The following PTPN7 variants were observed in gnomAD, a reference collection of about 807,000 sequenced individuals.
The protein encoded by PTPN7 is protein tyrosine phosphatase non-receptor type 7, also known as tyrosine-protein phosphatase non-receptor type 7.
Under a neutral mutation model 50.3 loss-of-function variants are expected in PTPN7, and 33 were observed. That is an observed-to-expected ratio of 0.66 (90% CI 0.50 to 0.88). The LOEUF (loss-of-function observed/expected upper bound fraction) is 0.88, where lower values mean the gene tolerates loss of function less well. Among genes scored for constraint, PTPN7 ranks in the 40% least tolerant of loss-of-function variants. PTPN7 has a pLI of 0.00. For missense variants in PTPN7, 412 were observed against 475.4 expected (o/e 0.87, Z 1.24); for synonymous variants, 185 against 186.6 (o/e 0.99, Z 0.07).
upstream of PTPN7, chr1:202,161,509 C>G (rs1186637955): frequency 7.8e-7 from 1 of 1,289,762 alleles, no homozygotes; most frequent in Non-Finnish European, 1.0e-6. Context: ...TGCCCACTGC[C>G]CCTGCCTGAC....
At chr1:202,151,495 C>T (rs1656001185) in intron 8 of PTPN7, among the ~76,000 whole-genome samples, 1 of 152,096 alleles carries the variant, frequency 6.6e-6, no homozygotes, top group Non-Finnish European at 1.5e-5. Flanking sequence ...ATATCCCCAT[C>T]ACAGCTCTCA....
At position 202,159,708 on chromosome 1, in the gene PTPN7, GAA is replaced by G. The variant is rs1657134493; in HGVS notation, c.-52-256_-52-255del. On this transcript the variant is annotated intron_variant, in intron 1 of 9. Coordinates refer to ENST00000691036, the MANE Select transcript of PTPN7 (RefSeq NM_002832.4). This position sits in a 1 kb window ranked among gnomAD's most constrained non-coding sequence, Gnocchi z 4.6. Reference sequence around the variant, plus strand: ...AAGATAGGAAAGAATCCAGAAGGAGGAAAAGAGAGAGGGGAGAGAGGCCACAC... The same window carrying G: ...AAGATAGGAAAGAATCCAGAAGGAGGAAGAGAGAGGGGAGAGAGGCCACAC... 2.6e-5 allele frequency: 36 copies of G among 1,364,746 alleles called. No homozygotes were observed. In the South Asian group the frequency reaches 6.8e-4, roughly 26 times the overall value. The allele number at this position is 1,364,746 out of a possible 1,614,324, so 84.5% of individuals were successfully genotyped here.
chr1:202,158,907 A>G, intron 2 of PTPN7: 1 of 207,378 alleles, frequency 4.8e-6, no homozygotes, highest in Non-Finnish European at 9.8e-6. Flanking sequence ...TTTGGGCATG[A>G]GCTACCATGC....
chr1:202,155,557 A>T lies in PTPN7; in HGVS notation c.444T>A (p.Asp148Glu). ...CTCGGATGTAGTTGGCATTGATGTA[A>T]TCTCCGTCCTCCTGGCTCTGTGCCC... ...LGRAQSQEDG[D>E]YINANYIRGY... The change falls in exon 5 of 10, where the codon GAT (aspartate) becomes GAA (glutamate). Residue 148 changes from aspartate to glutamate, a missense_variant. Asp to Glu is a conservative substitution (Grantham distance 45). Coordinates refer to ENST00000691036, the MANE Select transcript of PTPN7 (RefSeq NM_002832.4). 1 of 1,569,016 alleles carries T rather than the reference A, an allele frequency of 6.4e-7. No homozygotes were observed. The highest frequency in any genetic ancestry group is 8.8e-7 in the Non-Finnish European group (1 of 1,139,152).
chr1:202,157,485 G>T (rs1330066257), intron 4 of PTPN7, among the ~76,000 whole-genome samples: 2 of 151,802 alleles, frequency 1.3e-5, no homozygotes, highest in Non-Finnish European at 2.9e-5. Context: ...CTCCAGCCTG[G>T]GTGACGAGAG....
At chr1:202,161,228 G>C, upstream of PTPN7, 2 of 1,117,336 alleles carry the variant, frequency 1.8e-6, no homozygotes, top group Admixed American at 4.1e-5. Flanking sequence ...CCTGTGCCAC[G>C]GCCCAGCTCT....
Position 202,154,184 on chromosome 1 carries a change from A to G in PTPN7, c.606+2T>C, listed in dbSNP as rs1320087788. On this transcript the variant is annotated splice_donor_variant, in intron 6 of 9. Coordinates refer to ENST00000691036, the MANE Select transcript of PTPN7 (RefSeq NM_002832.4). LOFTEE classifies it high-confidence loss of function. ...ATCATGAACTGTGGCTCTGCCTCCTACCTCCTTGCCCTCTCGGAGCTGAGT... is the reference window on the plus strand; with the variant it reads ...ATCATGAACTGTGGCTCTGCCTCCTGCCTCCTTGCCCTCTCGGAGCTGAGT... 6.2e-7 allele frequency: 1 copy of G among 1,613,262 alleles called. No homozygotes were observed. The highest frequency in any genetic ancestry group is 8.5e-7 in the Non-Finnish European group (1 of 1,179,830).
chr1:202,152,665 A>G lies in PTPN7; in HGVS notation c.752T>C (p.Leu251Pro), dbSNP rs965721983. 6.2e-7 allele frequency: 1 copy of G among 1,614,022 alleles called. No individual in the cohort carries two copies. Among genetic ancestry groups the G allele is most frequent in the African/African-American group, 1.3e-5 (1 of 75,000 alleles). Residue 251 changes from leucine to proline, a missense_variant, in exon 8 of 10, where the codon CTC becomes CCC. Coordinates refer to ENST00000691036, the MANE Select transcript of PTPN7 (RefSeq NM_002832.4). ...CTGATGGTCTGGCCAGGCCGAAAAG[A>G]GGATGTGCTTTACTGACCGGCGCTC... is the stretch of plus-strand genomic sequence containing the variant. The part of the protein sequence containing the change: ...QEERRSVKHI[L>P]FSAWPDHQTP...
chr1:202,156,481 G>C (rs563164344), intron 4 of PTPN7, among the ~76,000 whole-genome samples: 6 of 152,314 alleles, frequency 3.9e-5, no homozygotes, highest in African/African-American at 1.4e-4. Flanking sequence ...AAGGGGGAAG[G>C]ATTTCTCTAA....
Position 202,159,269 on chromosome 1 carries a change from G to T in PTPN7, c.122+12C>A. The T allele has an allele frequency of 6.2e-7, 1 of 1,613,356 alleles. No individual in the cohort carries two copies. The highest frequency in any genetic ancestry group is 1.1e-5 in the South Asian group (1 of 91,026). Reference sequence around the variant, plus strand: ...AGGGCTCGGAAGACCCCTCCCCCAGGGAAGATCTCACCTCTCCTGCAGTCG... The same window carrying T: ...AGGGCTCGGAAGACCCCTCCCCCAGTGAAGATCTCACCTCTCCTGCAGTCG... On this transcript the variant is annotated intron_variant, in intron 2 of 9. Coordinates refer to ENST00000691036, the MANE Select transcript of PTPN7 (RefSeq NM_002832.4). The surrounding 1 kb of genome is among the most constrained non-coding windows in gnomAD (Gnocchi z 4.6).
At position 202,159,697 on chromosome 1, in the gene PTPN7, T is replaced by G; in HGVS notation, c.-52-243A>C. The G allele has an allele frequency of 7.4e-7, 1 of 1,354,736 alleles. No individual in the cohort carries two copies. Among genetic ancestry groups the G allele is most frequent in the Non-Finnish European group, 9.5e-7 (1 of 1,054,170 alleles). 83.9% of individuals were successfully genotyped at this position (1,354,736 alleles called of 1,614,324 possible). A position where few individuals can be genotyped will look rare whatever the true frequency, so the allele number is the denominator to read the frequency against. On this transcript the variant is annotated intron_variant, in intron 1 of 9. Coordinates refer to ENST00000691036, the MANE Select transcript of PTPN7 (RefSeq NM_002832.4). This position sits in a 1 kb window ranked among gnomAD's most constrained non-coding sequence, Gnocchi z 4.6. ...GATTGTGGATGAAGATAGGAAAGAA[T>G]CCAGAAGGAGGAAAAGAGAGAGGGG...
rs115136927 is a variant in PTPN7, at chr1:202,159,293, C to T, written c.110G>A (p.Arg37Gln). 7.2e-3 allele frequency: 11,626 copies of T among 1,614,178 alleles called. 52 individuals carry two copies. The highest frequency in any genetic ancestry group is 9.2e-3 in the Non-Finnish European group (10,823 of 1,179,998). The change falls in exon 2 of 10, where the codon CGA (arginine) becomes CAA (glutamine). Residue 37 changes from arginine to glutamine, a missense_variant. Coordinates refer to ENST00000691036, the MANE Select transcript of PTPN7 (RefSeq NM_002832.4). The surrounding 1 kb of genome is among the most constrained non-coding windows in gnomAD (Gnocchi z 4.6). The part of the protein sequence containing the change: ...PEKTPAKKHV[R>Q]LQERRGSNVA... ...GGGAAGATCTCACCTCTCCTGCAGT[C>T]GCACATGCTTCTTGGCTGGCGTTTT...
chr1:202,148,806 C>CAAACATCCCTGTGGTCCTACTGGG, intron 9 of PTPN7, 107 bp from the exon 10 acceptor site: 1 of 480,584 alleles, frequency 2.1e-6, no homozygotes, highest in Non-Finnish European at 3.5e-6. Flanking sequence ...CTGACTTTCT[C>CAAACATCCCTGTGGTCCTACTGGG]AAAGAACATG....
intron 8 of PTPN7, 85 bp downstream of exon 8, chr1:202,152,457 T>C (rs1453828657): frequency 4.1e-6 from 6 of 1,463,170 alleles, no homozygotes; most frequent in Non-Finnish European, 5.5e-6. Flanking sequence ...GATGCTTTTC[T>C]GCTCAGACCC....
At chr1:202,152,159 C>T (rs971041753) in intron 8 of PTPN7, among the ~76,000 whole-genome samples, 19 of 152,240 alleles carry the variant, frequency 1.2e-4, no homozygotes, top group African/African-American at 4.6e-4. Flanking sequence ...GATCTGCCAG[C>T]CCTGGCGTCC....
Position 202,154,233 on chromosome 1 carries a change from C to T in PTPN7, c.559G>A (p.Glu187Lys), listed in dbSNP as rs1656385974. The T allele has an allele frequency of 1.9e-6, 3 of 1,614,050 alleles. No homozygotes were observed. The highest frequency in any genetic ancestry group is 1.3e-5 in the African/African-American group (1 of 74,910). The change falls in exon 6 of 10, where the codon GAA becomes AAA. Residue 187 changes from glutamate (E) to lysine (K), a missense_variant. Physicochemically the swap from Glu to Lys is moderately conservative, Grantham distance 56. Transcript: ENST00000691036. The part of the protein sequence containing the change: ...SDFWEMVWQE[E>K]VSLIVMLTQL... ...GTGAGCATGACAATGAGGGACACTT[C>T]CTCTTGCCACACCATCTCCCAGAAG...
upstream of PTPN7, chr1:202,160,850 T>C: frequency 6.7e-7 from 1 of 1,502,762 alleles, no homozygotes; most frequent in Non-Finnish European, 8.9e-7. This position sits in a 1 kb window ranked among gnomAD's most constrained non-coding sequence, Gnocchi z 4.8. Flanking sequence ...TCTTCTGTGT[T>C]TCTCCTCTGG....
In PTPN7 at chr1:202,148,503, C is replaced by G; in HGVS notation, c.*103G>C. 9.5e-7 allele frequency: 1 copy of G among 1,049,176 alleles called. No homozygotes were observed. The highest frequency in any genetic ancestry group is 1.4e-6 in the Non-Finnish European group (1 of 720,080). 65.0% of individuals were successfully genotyped at this position (1,049,176 alleles called of 1,614,324 possible). A position where few individuals can be genotyped will look rare whatever the true frequency, so the allele number is the denominator to read the frequency against. On this transcript the variant is annotated 3_prime_UTR_variant, in exon 10 of 10. Coordinates refer to ENST00000691036, the MANE Select transcript of PTPN7 (RefSeq NM_002832.4). ...ACTAAGGAGGCACTCCTTCCCCACA[C>G]CAACCCAAGGGGTACCCCCAGATCA...
chr1:202,159,177 C>T lies in PTPN7; in HGVS notation c.122+104G>A. On this transcript the variant is annotated intron_variant, in intron 2 of 9. Coordinates refer to ENST00000691036, the MANE Select transcript of PTPN7 (RefSeq NM_002832.4). This position sits in a 1 kb window ranked among gnomAD's most constrained non-coding sequence, Gnocchi z 4.6. ...CCAAATTGGAGTCAACAACTGAGGG[C>T]CCTCTGGACCCTGCTGTCAGAGCTG... is the stretch of plus-strand genomic sequence containing the variant. 1 of 1,127,040 alleles carries T rather than the reference C, an allele frequency of 8.9e-7. No individual in the cohort carries two copies. The highest frequency in any genetic ancestry group is 1.3e-6 in the Non-Finnish European group (1 of 769,102). 69.8% of individuals were successfully genotyped at this position (1,127,040 alleles called of 1,614,324 possible). A position where few individuals can be genotyped will look rare whatever the true frequency, so the allele number is the denominator to read the frequency against.
Sources: gnomAD v4.1 joint callset for allele counts (sites outside exome capture counted in the v4.1 genomes callset) on GRCh38, gnomAD v4.1.1 for gene constraint, Gnocchi (gnomAD v3.1) non-coding constraint, MANE v1.5 for transcripts, NCBI Gene and HGNC (gene_info 2026-07-23, HGNC 2026-07-21) for gene names.